The following MYH3 variants were observed in gnomAD, a reference collection of about 807,000 sequenced individuals.
MYH3 encodes the protein myosin heavy chain 3, also known as myosin-3.
A neutral mutation model predicts 238.0 loss-of-function variants in MYH3; 130 were observed. That is an observed-to-expected ratio of 0.55 (90% CI 0.47 to 0.63). The LOEUF is 0.63. Among genes scored for constraint, MYH3 ranks in the 30% least tolerant of loss-of-function variants. The pLI is 0.00. For missense variants in MYH3, 1,853 were observed against 2,374.9 expected (o/e 0.78, Z 4.57); for synonymous variants, 880 against 924.1 (o/e 0.95, Z 0.86).
intron 33 of MYH3, among the ~76,000 whole-genome samples, chr17:10,633,155 T>C (rs1437326713): frequency 6.6e-6 from 1 of 152,112 alleles, no homozygotes; most frequent in Non-Finnish European, 1.5e-5. Flanking sequence ...GAGGTTGCAG[T>C]GGGCCTAGAT....
chr17:10,632,180 T>G (rs2074169184), intron 34 of MYH3, among the ~76,000 whole-genome samples, 164 bp from the exon 35 acceptor site: 1 of 152,196 alleles, frequency 6.6e-6, no homozygotes, highest in Non-Finnish European at 1.5e-5. Context: ...GGTGTGCAGT[T>G]GCGTGATCTC....
At chr17:10,647,119 T>C (rs2074329246) in intron 10 of MYH3, 63 bp downstream of exon 10, 2 of 1,185,010 alleles carry the variant, frequency 1.7e-6, no homozygotes, top group African/African-American at 1.5e-5. Flanking sequence ...GATACAACTC[T>C]CCTTGGTCTA....
rs766486500 is a variant in MYH3 at position 10,629,710 on chromosome 17, T to C, written c.5683A>G (p.Thr1895Ala). The change falls in exon 40 of 41, where the codon ACC (threonine) becomes GCC (alanine). Residue 1895 changes from threonine (T) to alanine (A), a missense_variant. This residue lies in a region of MYH3 where 1,044 missense variants were observed against 1,192.6 expected (regional missense o/e 0.88). Coordinates refer to ENST00000583535, the MANE Select transcript of MYH3 (RefSeq NM_002470.4). ...TCATGCTGAGCCTTTCGGAATTTGGTGAGATGAGCATTGGCTTGTTCATCC... is the reference window on the plus strand; with the variant it reads ...TCATGCTGAGCCTTTCGGAATTTGGCGAGATGAGCATTGGCTTGTTCATCC... ...EADEQANAHL[T>A]KFRKAQHELE... is the part of the protein sequence containing the mutation. 1.2e-6 allele frequency: 2 copies of C among 1,614,074 alleles called. No homozygotes were observed. The highest frequency in any genetic ancestry group is 1.3e-5 in the African/African-American group (1 of 74,928).
chr17:10,650,041 G>A (rs1320868471), intron 6 of MYH3, among the ~76,000 whole-genome samples: 1 of 151,842 alleles, frequency 6.6e-6, no homozygotes, highest in East Asian at 1.9e-4. Context: ...GCGCGATCTC[G>A]GCTCACTGCA....
chr17:10,630,261 C>G, intron 37 of MYH3, 27 bp downstream of exon 37: 1 of 1,571,448 alleles, frequency 6.4e-7, no homozygotes, highest in South Asian at 1.1e-5. Context: ...GAAAGCTCAG[C>G]GCAGGCGGGG....
intron 28 of MYH3, among the ~76,000 whole-genome samples, chr17:10,636,813 C>T (rs2074220283): frequency 6.6e-6 from 1 of 151,764 alleles, no homozygotes; most frequent in Admixed American, 6.6e-5. Flanking sequence ...ACTCAGGAGG[C>T]TGAGGCAAGA....
intron 36 of MYH3, among the ~76,000 whole-genome samples, chr17:10,630,857 TG>T (rs2074149644): frequency 6.7e-6 from 1 of 148,984 alleles, no homozygotes; most frequent in African/African-American, 2.5e-5. Flanking sequence ...ATCTCGGGGG[TG>T]GGGGAAGAAA....
At chr17:10,653,656 C>G (rs1437523059) in intron 3 of MYH3, among the ~76,000 whole-genome samples, 1 of 152,200 alleles carries the variant, frequency 6.6e-6, no homozygotes, top group East Asian at 1.9e-4. Context: ...CTTCCCTGCC[C>G]TGTCCTCACC....
At position 10,657,274 on chromosome 17, in the gene MYH3, G is replaced by C. The variant is rs2074442186; in HGVS notation, c.-68+15C>G. 6.6e-6 allele frequency: 1 copy of C among 152,278 alleles called. No individual in the cohort carries two copies. Among genetic ancestry groups the C allele is most frequent in the Non-Finnish European group, 1.5e-5 (1 of 68,160 alleles). 9.4% of individuals were successfully genotyped at this position (152,278 alleles called of 1,614,324 possible). A position where few individuals can be genotyped will look rare whatever the true frequency, so the allele number is the denominator to read the frequency against. On this transcript the variant is annotated intron_variant, in intron 1 of 40. Transcript: ENST00000583535. ...TCCAAGCAGCTGAGACCTAGAAGAG[G>C]AGCCTGTGACTTACCTCCGCCCACA...
In MYH3 at chr17:10,635,873, GTTTCA is replaced by G. The variant is rs1567554075; in HGVS notation, c.3857-25_3857-21del. 1.3e-6 allele frequency: 2 copies of G among 1,592,354 alleles called. No homozygotes were observed. The highest frequency in any genetic ancestry group is 2.2e-5 in the South Asian group (2 of 90,556). ...GCTCACCTGTGTCCAGAAGGAAATA[GTTTCA>G]TTTCATTTATTCACTCATTCACTCA... is the stretch of plus-strand genomic sequence containing the variant. On this transcript the variant is annotated intron_variant, in intron 28 of 40. Coordinates refer to ENST00000583535, the MANE Select transcript of MYH3 (RefSeq NM_002470.4).
chr17:10,638,362 C>T lies in MYH3; in HGVS notation c.3410G>A (p.Arg1137His), dbSNP rs150492596. 19 of 1,608,022 alleles carry T rather than the reference C, an allele frequency of 1.2e-5. No individual in the cohort carries two copies. In the Middle Eastern group the frequency reaches 4.9e-4, roughly 42 times the overall value. The change falls in exon 27 of 41, where the codon CGC becomes CAC. Residue 1137 changes from arginine (R) to histidine (H), a missense_variant. Transcript: ENST00000583535. ...RATRAKTEKQ[R>H]SDYARELEEL... ...CTCCAGCTCCCGGGCATAGTCGCTG[C>T]GCTGTTTCTCTGTCTTCGCGCGGGT...
rs3815007 is a variant in MYH3 at position 10,654,151 on chromosome 17, C to T, written c.204+710G>A. On this transcript the variant is annotated intron_variant, in intron 3 of 40. Coordinates refer to ENST00000583535, the MANE Select transcript of MYH3 (RefSeq NM_002470.4). The surrounding 1 kb of genome is among the most constrained non-coding windows in gnomAD (Gnocchi z 4.5). ...TCTCTTTTATTTTCTTTCTTTCTTT[C>T]TCTTTCTTTCTTTCCTTCCTTCCTT... 0.62 allele frequency among the ~76,000 whole-genome samples: 92,216 copies of T among 148,400 alleles called. 30,459 individuals are homozygous for T. Among genetic ancestry groups the T allele is most frequent in the Non-Finnish European group, 0.76 (51,132 of 67,322 alleles).
At chr17:10,666,578 CAA>C in the MYH3 span, among the ~76,000 whole-genome samples, 2 of 68,586 alleles carry the variant, frequency 2.9e-5, no homozygotes, top group Non-Finnish European at 2.7e-5. Flanking sequence ...CTTGTCTCTA[CAA>C]AAAAAAAAAA....
At chr17:10,661,518 C>A (rs2074480173), upstream of MYH3, among the ~76,000 whole-genome samples, 1 of 152,020 alleles carries the variant, frequency 6.6e-6, no homozygotes, top group Non-Finnish European at 1.5e-5. Context: ...GGGATAATCC[C>A]CACAGCCAGG....
Position 10,635,386 on chromosome 17 carries a change from C to G in MYH3, c.4153G>C (p.Glu1385Gln), listed in dbSNP as rs774853511. The G allele has an allele frequency of 6.2e-7, 1 of 1,614,048 alleles. No individual in the cohort carries two copies. Among genetic ancestry groups the G allele is most frequent in the South Asian group, 1.1e-5 (1 of 91,078 alleles). Residue 1385 changes from glutamate (E) to glutamine (Q), a missense_variant, in exon 30 of 41, where the codon GAA becomes CAA. Coordinates refer to ENST00000583535, the MANE Select transcript of MYH3 (RefSeq NM_002470.4). ...GCGCACTTGGCCTCCTCCAGCTCTTCTGTGCGCTGGATGGCGTCCGTCTCG... is the reference window on the plus strand; with the variant it reads ...GCGCACTTGGCCTCCTCCAGCTCTTGTGTGCGCTGGATGGCGTCCGTCTCG... ...KYETDAIQRT[E>Q]ELEEAKKKLA...
chr17:10,658,070 T>C (rs78304742), upstream of MYH3, among the ~76,000 whole-genome samples: 7,286 of 152,038 alleles, frequency 0.048, 286 homozygotes, highest in South Asian at 0.14. Context: ...TTAAGACAGA[T>C]TACCAATTAG....
the MYH3 span, among the ~76,000 whole-genome samples, chr17:10,663,919 T>G: frequency 6.6e-6 from 1 of 151,698 alleles, no homozygotes; most frequent in Non-Finnish European, 1.5e-5. Flanking sequence ...AAAAATTAGC[T>G]GGATGTGGTG....
At chr17:10,655,201 C>T in intron 2 of MYH3, 129 bp from the exon 3 acceptor site, 1 of 753,496 alleles carries the variant, frequency 1.3e-6, no homozygotes, top group South Asian at 1.5e-5. Flanking sequence ...GCCCCAGGAA[C>T]CAGGCTGTCC....
Position 10,644,344 on chromosome 17 carries a change from C to A in MYH3, c.1410+7G>T. On this transcript the variant is annotated splice_region_variant and intron_variant, in intron 14 of 40. Transcript: ENST00000583535. ...CATATGAAAATATGAATATAAGTAA[C>A]ACAAACCTCAAAGATTTCAAAGCCT... is the stretch of plus-strand genomic sequence containing the variant. 6.2e-7 allele frequency: 1 copy of A among 1,613,448 alleles called. No homozygotes were observed. The highest frequency in any genetic ancestry group is 1.1e-5 in the South Asian group (1 of 91,064).
Sources: gnomAD v4.1 joint callset for allele counts (sites outside exome capture counted in the v4.1 genomes callset) on GRCh38, gnomAD v4.1.1 for gene constraint, gnomAD v4.1.1 regional missense constraint, Gnocchi (gnomAD v3.1) non-coding constraint, MANE v1.5 for transcripts, NCBI Gene and HGNC (gene_info 2026-07-23, HGNC 2026-07-21) for gene names.